RNF10: variants seen among roughly 807,000 people sequenced by gnomAD.
RNF10 encodes ring finger protein 10.
Under a neutral mutation model 91.4 loss-of-function variants are expected in RNF10, and 38 were observed. That is an observed-to-expected ratio of 0.42 (90% CI 0.32 to 0.54). RNF10 has a LOEUF of 0.54. Among genes scored for constraint, RNF10 ranks in the 20% least tolerant of loss-of-function variants. The pLI, the probability that RNF10 is intolerant of heterozygous loss-of-function variation, is 0.16. For missense variants in RNF10, 945 were observed against 1,012.0 expected, an observed-to-expected ratio of 0.93 and a Z score of 0.90; for synonymous variants, 364 against 366.3, an observed-to-expected ratio of 0.99 and a Z score of 0.07.
chr12:120,560,961 C>T (rs1327046166), intron 7 of RNF10, 75 bp downstream of exon 7: 4 of 1,457,004 alleles, frequency 2.7e-6, no homozygotes, highest in Non-Finnish European at 3.8e-6. Flanking sequence ...AAATGCTAAA[C>T]CTTTTCACTC....
In RNF10 at chr12:120,557,543, C is replaced by T. The variant is rs2137202799; in HGVS notation, c.831-3C>T. On this transcript the variant is annotated splice_polypyrimidine_tract_variant and splice_region_variant and intron_variant, in intron 5 of 16. Coordinates refer to ENST00000325954, the MANE Select transcript of RNF10 (RefSeq NM_014868.5). ...CTGCTACATATGAGTGTCCATGTTTCAGTGTTGTTGCCACAGAGTCACATC... is the reference window on the plus strand; with the variant it reads ...CTGCTACATATGAGTGTCCATGTTTTAGTGTTGTTGCCACAGAGTCACATC... 1 of 1,614,180 alleles carries T rather than the reference C, an allele frequency of 6.2e-7. No homozygotes were observed. The highest frequency in any genetic ancestry group is 8.5e-7 in the Non-Finnish European group (1 of 1,180,026).
At chr12:120,540,386 T>C (rs571719651) in intron 1 of RNF10, among the ~76,000 whole-genome samples, 21 of 152,254 alleles carry the variant, frequency 1.4e-4, no homozygotes, top group African/African-American at 4.1e-4. Flanking sequence ...GATTTAAAAC[T>C]TCACCCATAG....
chr12:120,535,724 A>T (rs1236108031), intron 1 of RNF10, among the ~76,000 whole-genome samples: 1 of 152,222 alleles, frequency 6.6e-6, no homozygotes. Context: ...GTCCTTTAAC[A>T]GGGAAGGTTT....
intron 3 of RNF10, among the ~76,000 whole-genome samples, chr12:120,553,038 G>GTTTTTTTTTTTTTTTTTTTTTTTTTT (rs3049493): frequency 1.1e-5 from 1 of 90,938 alleles, no homozygotes; most frequent in African/African-American, 4.3e-5. Flanking sequence ...AAGAGGAAAG[G>GTTTTTTTTTTTTTTTTTTTTTTTTTT]TTTTTTTTTT....
At chr12:120,572,927 A>G (rs1876875083) in intron 14 of RNF10, among the ~76,000 whole-genome samples, 2 of 126,040 alleles carry the variant, frequency 1.6e-5, no homozygotes, top group South Asian at 4.9e-4. Context: ...TTTTTAAACT[A>G]GGCTTTATTG....
chr12:120,572,746 G>A (rs987761388), intron 14 of RNF10, among the ~76,000 whole-genome samples: 1 of 151,324 alleles, frequency 6.6e-6, no homozygotes, highest in African/African-American at 2.4e-5. Flanking sequence ...GGTTACAGGC[G>A]CCTACCACCA....
At chr12:120,561,458 G>A (rs1472185646) in intron 7 of RNF10, among the ~76,000 whole-genome samples, 1 of 152,176 alleles carries the variant, frequency 6.6e-6, no homozygotes, top group Non-Finnish European at 1.5e-5. Flanking sequence ...AGTAGGCTCA[G>A]TAATTTGCAT....
intron 9 of RNF10, 46 bp downstream of exon 9, chr12:120,563,669 A>C (rs1214279132): frequency 6.4e-7 from 1 of 1,570,228 alleles, no homozygotes; most frequent in Admixed American, 1.8e-5. Context: ...GAGGTGTTTC[A>C]GAGGTGACCC....
chr12:120,565,482 G>A lies in RNF10; in HGVS notation c.1838G>A (p.Arg613His), dbSNP rs752189774. The A allele has an allele frequency of 5.0e-6, 8 of 1,613,918 alleles. No individual in the cohort carries two copies. Among genetic ancestry groups the A allele is most frequent in the African/African-American group, 4.0e-5 (3 of 74,890 alleles). ...CAAAAGAAGGCTCGGGAGGAACGCC[G>A]CCGAGAGCGCAGGATTGAGATAGAG... ...QRQKKAREERRRERRIEIEEN... is the reference protein window; with the variant it reads ...QRQKKAREERHRERRIEIEEN... The change falls in exon 12 of 17, where the codon CGC (arginine) becomes CAC (histidine). Residue 613 changes from arginine (R) to histidine (H), a missense_variant. Physicochemically the swap from Arg to His is conservative, Grantham distance 29. Transcript: ENST00000325954.
intron 13 of RNF10, among the ~76,000 whole-genome samples, 187 bp downstream of exon 13, chr12:120,567,167 C>T (rs1028812844): frequency 2.6e-5 from 4 of 152,132 alleles, no homozygotes; most frequent in African/African-American, 9.7e-5. Flanking sequence ...GACTGCTTTA[C>T]CCTGCCAGCT....
Position 120,554,719 on chromosome 12 carries a change from T to A in RNF10, c.556T>A (p.Cys186Ser). The A allele has an allele frequency of 1.2e-6, 2 of 1,612,938 alleles. No homozygotes were observed. The highest frequency in any genetic ancestry group is 1.7e-6 in the Non-Finnish European group (2 of 1,178,992). The change falls in exon 4 of 17, where the codon TGC becomes AGC. Residue 186 changes from cysteine (C) to serine (S), a missense_variant and splice_region_variant. Transcript: ENST00000325954. ...FNKELFLQANCQFVVSEDQDY... is the reference protein window; with the variant it reads ...FNKELFLQANSQFVVSEDQDY... ...TTTTCCTGTCTTTCCTATTTCTAGC[T>A]GCCAATTTGTGGTGTCTGAAGACCA...
At chr12:120,551,365 G>T (rs1275978365) in intron 2 of RNF10, among the ~76,000 whole-genome samples, 2 of 136,022 alleles carry the variant, frequency 1.5e-5, no homozygotes. Flanking sequence ...TGTGATCTTG[G>T]CTCACTGCAA....
chr12:120,537,658 C>A (rs908121551), intron 1 of RNF10, among the ~76,000 whole-genome samples: 1 of 152,108 alleles, frequency 6.6e-6, no homozygotes, highest in Admixed American at 6.5e-5. Context: ...ACAAATAACA[C>A]ATATGTGCCT....
At chr12:120,566,483 C>T (rs1188740879) in intron 12 of RNF10, among the ~76,000 whole-genome samples, 2 of 152,044 alleles carry the variant, frequency 1.3e-5, no homozygotes, top group Non-Finnish European at 2.9e-5. Flanking sequence ...AAATTCAGGC[C>T]AGGTGTGGTG....
rs752059239 is a variant in RNF10 at position 120,575,664 on chromosome 12, T to A, written c.2176T>A (p.Trp726Arg). The part of the protein sequence containing the change: ...LRVGKAKADV[W>R]PKTAPKKDEN... Reference sequence around the variant, plus strand: ...GGTTGGAAAAGCAAAAGCAGATGTGTGGCCCAAAACTGCTCCAAAGAAAGG... The same window carrying A: ...GGTTGGAAAAGCAAAAGCAGATGTGAGGCCCAAAACTGCTCCAAAGAAAGG... Residue 726 changes from tryptophan to arginine, a missense_variant, in exon 15 of 17, where the codon TGG becomes AGG. Physicochemically the swap from Trp to Arg is moderately radical, Grantham distance 101. Coordinates refer to ENST00000325954, the MANE Select transcript of RNF10 (RefSeq NM_014868.5). 24 of 1,614,230 alleles carry A rather than the reference T, an allele frequency of 1.5e-5. No homozygotes were observed. The highest frequency in any genetic ancestry group is 2.0e-5 in the Non-Finnish European group (24 of 1,180,040).
Position 120,561,978 on chromosome 12 carries a change from GTGT to G in RNF10, c.1129-962_1129-960del, listed in dbSNP as rs1458038968. Among the ~76,000 whole-genome samples the G allele has an allele frequency of 4.6e-5, 7 of 152,232 alleles. No individual in the cohort carries two copies. The South Asian group carries it at 1.2e-3, about 27-fold the overall frequency. Reference sequence around the variant, plus strand: ...TTCTGTTCTGGAAGTTTTTTGTATAGTGTTGTTTGTGTCAGATTCTCTTTTATT... The same window carrying G: ...TTCTGTTCTGGAAGTTTTTTGTATAGTGTTTGTGTCAGATTCTCTTTTATT... On this transcript the variant is annotated intron_variant, in intron 7 of 16. Transcript: ENST00000325954.
chr12:120,562,817 C>T, intron 7 of RNF10, 128 bp from the exon 8 acceptor site: 3 of 1,097,906 alleles, frequency 2.7e-6, no homozygotes, highest in East Asian at 5.0e-5. Context: ...CACCTAATTC[C>T]TTCCCATTGG....
In RNF10 at chr12:120,557,680, G is replaced by A. The variant is rs769554847; in HGVS notation, c.965G>A (p.Gly322Glu). The change falls in exon 6 of 17, where the codon GGA becomes GAA. Residue 322 changes from glycine to glutamate, a missense_variant and splice_region_variant. By Grantham distance (98) the Gly-to-Glu change is moderately conservative. Coordinates refer to ENST00000325954, the MANE Select transcript of RNF10 (RefSeq NM_014868.5). Reference protein sequence around the residue: ...WMNVDHPIHLGDEQHSQYSKL... With the variant: ...WMNVDHPIHLEDEQHSQYSKL... ...AATGTAGACCATCCCATTCATCTAG[G>A]AGGTGAGTTCTTTAAATTTTGGGGA... The A allele has an allele frequency of 6.2e-7, 1 of 1,614,166 alleles. No homozygotes were observed. Among genetic ancestry groups the A allele is most frequent in the Non-Finnish European group, 8.5e-7 (1 of 1,180,010 alleles).
chr12:120,570,595 C>T (rs1179173377), intron 13 of RNF10, among the ~76,000 whole-genome samples: 1 of 152,182 alleles, frequency 6.6e-6, no homozygotes, highest in East Asian at 1.9e-4. Context: ...AATAGGGCCC[C>T]TCTCGTCCAA....
Sources: gnomAD v4.1 joint callset for allele counts (sites outside exome capture counted in the v4.1 genomes callset) on GRCh38, gnomAD v4.1.1 for gene constraint, MANE v1.5 for transcripts, NCBI Gene and HGNC (gene_info 2026-07-23, HGNC 2026-07-21) for gene names.